Variants in WWOX observed in about 807,000 individuals in gnomAD.
WWOX encodes the protein WW domain-containing oxidoreductase.
WWOX carries 69 observed loss-of-function variants against 46.2 expected under a neutral mutation model. The observed-to-expected ratio is 1.49, with a 90% confidence interval of 1.23 to 1.82. WWOX has a LOEUF of 1.82. WWOX is among the 40% of genes most tolerant of loss of function. The probability of loss-of-function intolerance (pLI) is 0.00; values close to 1 mark genes in which losing one functional copy is unlikely to be tolerated. For synonymous variants in WWOX, 359 were observed against 202.6 expected, an observed-to-expected ratio of 1.77 and a Z score of -6.56; for missense variants, 919 against 542.6, an observed-to-expected ratio of 1.69 and a Z score of -6.89.
At chr16:78,418,737 CCAG>C (rs1173406755) in intron 6 of WWOX, among the ~76,000 whole-genome samples, 10 of 152,032 alleles carry the variant, frequency 6.6e-5, no homozygotes, top group African/African-American at 2.4e-4. Flanking sequence ...TTAAAAAGGT[CCAG>C]CACGCTTTCT....
chr16:78,600,288 C>G (rs2045590580), intron 8 of WWOX, among the ~76,000 whole-genome samples: 1 of 151,942 alleles, frequency 6.6e-6, no homozygotes, highest in African/African-American at 2.4e-5. Context: ...AACCATATCA[C>G]AGGGTCACCT....
At chr16:78,859,025 AAAATATATATATATATAT>A (rs1169204304) in intron 8 of WWOX, among the ~76,000 whole-genome samples, 1 of 31,480 alleles carries the variant, frequency 3.2e-5, no homozygotes, top group East Asian at 7.3e-4. Context: ...AAAAAAAAAA[AAAATATATATATATATAT>A]ATATATGTAT....
At chr16:78,727,593 C>A (rs115546058) in intron 8 of WWOX, among the ~76,000 whole-genome samples, 1,641 of 152,296 alleles carry the variant, frequency 0.011, 27 homozygotes, top group African/African-American at 0.036. Flanking sequence ...GGTGCTACTG[C>A]TGTAGTTCAT....
intron 4 of WWOX, among the ~76,000 whole-genome samples, chr16:78,162,414 A>G (rs2034824827): frequency 6.6e-6 from 1 of 152,092 alleles, no homozygotes. Context: ...ACACACACAT[A>G]CACACATACA....
At chr16:78,739,806 A>G (rs965351036) in intron 8 of WWOX, among the ~76,000 whole-genome samples, 27 of 152,150 alleles carry the variant, frequency 1.8e-4, no homozygotes, top group African/African-American at 6.0e-4. Context: ...GAGAGATTCC[A>G]TCTCAAAAAA....
chr16:78,766,281 G>T (rs1370261991), intron 8 of WWOX, among the ~76,000 whole-genome samples: 1 of 152,176 alleles, frequency 6.6e-6, no homozygotes, highest in East Asian at 1.9e-4. Flanking sequence ...CATCTCTCCT[G>T]TGTGTCGCTA....
At chr16:78,724,359 G>T (rs2048773715) in intron 8 of WWOX, among the ~76,000 whole-genome samples, 1 of 152,114 alleles carries the variant, frequency 6.6e-6, no homozygotes, top group Non-Finnish European at 1.5e-5. Context: ...GTGACCTTTA[G>T]CAACAACTCC....
intron 8 of WWOX, among the ~76,000 whole-genome samples, chr16:79,156,244 C>G (rs534530507): frequency 2.0e-5 from 3 of 152,312 alleles, no homozygotes; most frequent in Non-Finnish European, 2.9e-5. Flanking sequence ...TCACTGCAAC[C>G]TTTGCATCCT....
intron 8 of WWOX, among the ~76,000 whole-genome samples, chr16:79,132,686 G>A (rs183107822): frequency 1.2e-4 from 18 of 151,432 alleles, no homozygotes; most frequent in African/African-American, 2.2e-4. Context: ...TTATATTGTC[G>A]CTTAAAAAAA....
chr16:79,047,598 A>G (rs77573208), intron 8 of WWOX, among the ~76,000 whole-genome samples: 4,527 of 151,862 alleles, frequency 0.03, 223 homozygotes, highest in African/African-American at 0.1. Context: ...ATTTTGTGGC[A>G]TAAAATAACA....
chr16:78,534,514 G>C (rs1472638638), intron 8 of WWOX: 1 of 152,082 alleles, frequency 6.6e-6, no homozygotes, highest in Non-Finnish European at 1.5e-5. Context: ...AAAATTTCAA[G>C]AGTGACATTT....
intron 8 of WWOX, among the ~76,000 whole-genome samples, chr16:78,637,260 C>T (rs996735737): frequency 2.6e-5 from 4 of 152,000 alleles, no homozygotes; most frequent in African/African-American, 4.8e-5. Flanking sequence ...CCCCAACCAA[C>T]GACCCTTCCC....
intron 4 of WWOX, among the ~76,000 whole-genome samples, chr16:78,119,483 C>G (rs565467229): frequency 1.3e-5 from 2 of 152,240 alleles, no homozygotes; most frequent in South Asian, 2.1e-4. Context: ...AGTTGGATGC[C>G]TAAATGTGGG....
Position 78,490,315 on chromosome 16 carries a change from T to C in WWOX, c.1056+57563T>C, listed in dbSNP as rs201371921. Among the ~76,000 whole-genome samples the C allele has an allele frequency of 4.0e-5, 6 of 151,410 alleles. No homozygotes were observed. In the East Asian group the frequency reaches 1.2e-3, roughly 29 times the overall value. On this transcript the variant is annotated intron_variant, in intron 8 of 8. Transcript: ENST00000566780. The stretch of plus-strand genomic sequence containing the variant: ...TTTAACACACAAATAACTCAGCGTT[T>C]AGTAACTTTCAGGTACAATCAGTCT...
chr16:78,621,680 C>A (rs1231603526), intron 8 of WWOX, among the ~76,000 whole-genome samples: 3 of 138,612 alleles, frequency 2.2e-5, no homozygotes, highest in African/African-American at 8.1e-5. Context: ...TCTCGGCTCA[C>A]CACGAGCTCT....
chr16:78,828,677 A>G (rs1464300847), intron 8 of WWOX, among the ~76,000 whole-genome samples: 1 of 152,166 alleles, frequency 6.6e-6, no homozygotes, highest in East Asian at 1.9e-4. Context: ...TTTATTAATT[A>G]TGTGTGTGCC....
At chr16:78,380,058 G>C (rs987782315) in intron 5 of WWOX, among the ~76,000 whole-genome samples, 1 of 152,188 alleles carries the variant, frequency 6.6e-6, no homozygotes, top group Non-Finnish European at 1.5e-5. Context: ...TGTATTGAAG[G>C]TGTCTGTTAA....
intron 8 of WWOX, among the ~76,000 whole-genome samples, chr16:78,852,381 G>C (rs1258373284): frequency 6.6e-6 from 1 of 152,192 alleles, no homozygotes; most frequent in Non-Finnish European, 1.5e-5. Flanking sequence ...ATCACTCCTT[G>C]TGGCAGAAGC....
rs543602165 is a variant in WWOX, at chr16:78,654,836, A to C, written c.1056+222084A>C. ...GGAAATAGACCAGTGATTCTTCAGT[A>C]GGGTCGTAAGGTCCCGTCAATGCAG... On this transcript the variant is annotated intron_variant, in intron 8 of 8. Coordinates refer to ENST00000566780, the MANE Select transcript of WWOX (RefSeq NM_016373.4). Among the ~76,000 whole-genome samples, 170 of 151,906 alleles carry C rather than the reference A, an allele frequency of 1.1e-3. 1 individual carries two copies. Among genetic ancestry groups the C allele is most frequent in the Middle Eastern group, 0.01 (3 of 294 alleles).
Sources: allele counts gnomAD v4.1 joint callset (sites outside exome capture counted in the v4.1 genomes callset), GRCh38; gene constraint gnomAD v4.1.1; transcripts MANE v1.5; gene names NCBI Gene and HGNC (gene_info 2026-07-23, HGNC 2026-07-21).